The following OSBPL10 variants were observed in gnomAD, a reference collection of about 807,000 sequenced individuals.
The protein encoded by OSBPL10 is oxysterol binding protein like 10.
In OSBPL10, 49 loss-of-function variants were observed where a neutral mutation model predicts 81.7. The observed-to-expected ratio is 0.60, with a 90% CI of 0.48 to 0.76. The LOEUF (loss-of-function observed/expected upper bound fraction) is 0.76, where lower values mean the gene tolerates loss of function less well. OSBPL10 is among the 30% of genes least tolerant of loss of function. The probability of loss-of-function intolerance (pLI) is 0.00; values close to 1 mark genes in which losing one functional copy is unlikely to be tolerated. For synonymous variants in OSBPL10, 419 were observed against 383.6 expected (o/e 1.09, Z -1.08); for missense variants, 923 against 987.8 (o/e 0.93, Z 0.88).
intron 2 of OSBPL10, among the ~76,000 whole-genome samples, chr3:31,878,098 T>G (rs57895843): frequency 0.03 from 4,583 of 152,254 alleles, 221 homozygotes; most frequent in African/African-American, 0.1. Flanking sequence ...TTTAGCTAAA[T>G]TTAGCAATTG....
chr3:31,894,065 G>A (rs1695984804), intron 1 of OSBPL10, among the ~76,000 whole-genome samples: 2 of 152,168 alleles, frequency 1.3e-5, no homozygotes, highest in Non-Finnish European at 2.9e-5. Flanking sequence ...CAATAGCCTA[G>A]ACCAAGGTGG....
intron 1 of OSBPL10, among the ~76,000 whole-genome samples, chr3:32,047,505 A>G (rs1301730570): frequency 2.0e-5 from 3 of 152,042 alleles, no homozygotes; most frequent in Non-Finnish European, 2.9e-5. Flanking sequence ...TTGCCATGGC[A>G]TTTATAAACT....
chr3:31,958,755 G>A (rs540613089), intron 1 of OSBPL10, among the ~76,000 whole-genome samples: 47 of 152,238 alleles, frequency 3.1e-4, no homozygotes, highest in African/African-American at 1.1e-3. Flanking sequence ...TAGAGAACAG[G>A]CCTTTGAGCC....
intron 2 of OSBPL10, among the ~76,000 whole-genome samples, chr3:31,997,791 T>C (rs994602642): frequency 2.0e-5 from 3 of 152,052 alleles, no homozygotes; most frequent in Admixed American, 2.0e-4. Flanking sequence ...TTGTTTTGTT[T>C]TTGTTTCTGA....
At chr3:31,956,677 G>A (rs182706084) in intron 1 of OSBPL10, among the ~76,000 whole-genome samples, 172 of 152,130 alleles carry the variant, frequency 1.1e-3, no homozygotes, top group African/African-American at 3.8e-3. Flanking sequence ...GCACTGAGCC[G>A]AGATTGCGCC....
intron 6 of OSBPL10, among the ~76,000 whole-genome samples, chr3:31,732,108 G>A (rs549736440): frequency 7.9e-5 from 12 of 152,212 alleles, no homozygotes; most frequent in African/African-American, 1.7e-4. Context: ...CCACTCACAC[G>A]GTTGCCAACT....
intron 1 of OSBPL10, among the ~76,000 whole-genome samples, chr3:31,975,098 G>C (rs1231945683): frequency 1.3e-5 from 2 of 152,188 alleles, no homozygotes; most frequent in Non-Finnish European, 2.9e-5. Context: ...GGCAGATTCT[G>C]CAGGGAGTAG....
chr3:32,074,406 T>C (rs781304354), intron 1 of OSBPL10, among the ~76,000 whole-genome samples: 55 of 152,284 alleles, frequency 3.6e-4, no homozygotes, highest in Non-Finnish European at 3.8e-4. Context: ...CCTTCCACTG[T>C]CCAAATGTTC....
At chr3:31,960,509 C>G (rs1341956078) in intron 1 of OSBPL10, among the ~76,000 whole-genome samples, 2 of 152,142 alleles carry the variant, frequency 1.3e-5, no homozygotes, top group East Asian at 3.9e-4. Flanking sequence ...GGCCAAATTC[C>G]TTATTCAGAT....
chr3:31,908,845 G>A (rs576801721), intron 1 of OSBPL10, among the ~76,000 whole-genome samples: 3 of 152,246 alleles, frequency 2.0e-5, no homozygotes, highest in South Asian at 4.1e-4. Context: ...GGAGATGAGC[G>A]GCTCCCCCTG....
At position 31,664,031 on chromosome 3, in the gene OSBPL10, G is replaced by C; in HGVS notation, c.2250+48C>G. 2.5e-6 allele frequency: 4 copies of C among 1,614,008 alleles called. No individual in the cohort carries two copies. In the South Asian group the frequency reaches 3.3e-5, roughly 13 times the overall value. On this transcript the variant is annotated intron_variant, in intron 11 of 11. Coordinates refer to ENST00000396556, the MANE Select transcript of OSBPL10 (RefSeq NM_017784.5). ...AAGAAAAACCCATCTACCCTCTCAG[G>C]ACAAGTTCTCTCCTGGGCAAGGGAC...
At chr3:31,856,258 TA>T (rs1015894066) in intron 3 of OSBPL10, among the ~76,000 whole-genome samples, 1 of 152,008 alleles carries the variant, frequency 6.6e-6, no homozygotes, top group Non-Finnish European at 1.5e-5. Context: ...TTAAGACAAT[TA>T]AAAAAATCCC....
At chr3:31,717,621 C>A (rs1696485911) in intron 6 of OSBPL10, among the ~76,000 whole-genome samples, 1 of 152,162 alleles carries the variant, frequency 6.6e-6, no homozygotes, top group South Asian at 2.1e-4. Context: ...CCTTTTGGTC[C>A]AAACAGCAGG....
intron 4 of OSBPL10, among the ~76,000 whole-genome samples, chr3:31,814,956 C>T (rs575616144): frequency 2.0e-5 from 3 of 152,142 alleles, no homozygotes; most frequent in Non-Finnish European, 2.9e-5. Flanking sequence ...TTCTCTGTTC[C>T]GTAAGCCATA....
chr3:31,921,029 A>C (rs1439372830), intron 1 of OSBPL10, among the ~76,000 whole-genome samples: 1 of 152,160 alleles, frequency 6.6e-6, no homozygotes, highest in African/African-American at 2.4e-5. Context: ...ACACAAATGG[A>C]CTAATACTCC....
At chr3:31,813,172 G>T (rs1383121622) in intron 4 of OSBPL10, among the ~76,000 whole-genome samples, 1 of 152,192 alleles carries the variant, frequency 6.6e-6, no homozygotes, top group Non-Finnish European at 1.5e-5. Flanking sequence ...CTGGAGGAAA[G>T]AAAAACCTTC....
At chr3:31,855,425 T>C (rs763574195) in intron 3 of OSBPL10, among the ~76,000 whole-genome samples, 4 of 152,198 alleles carry the variant, frequency 2.6e-5, no homozygotes, top group Non-Finnish European at 5.9e-5. Context: ...GGATATATTT[T>C]TAAGTAGGAA....
chr3:31,746,977 T>A (rs1246070542), intron 5 of OSBPL10, among the ~76,000 whole-genome samples: 1 of 151,592 alleles, frequency 6.6e-6, no homozygotes, highest in East Asian at 1.9e-4. Flanking sequence ...AGCATAATAA[T>A]AATAAAAAAA....
intron 5 of OSBPL10, among the ~76,000 whole-genome samples, chr3:31,745,347 C>G (rs559610701): frequency 2.3e-4 from 35 of 152,212 alleles, no homozygotes; most frequent in African/African-American, 8.2e-4. Context: ...CTGCAACTTA[C>G]TCTTAAGTGG....
Sources: gnomAD v4.1 joint callset for allele counts (sites outside exome capture counted in the v4.1 genomes callset) on GRCh38, gnomAD v4.1.1 for gene constraint, MANE v1.5 for transcripts, NCBI Gene and HGNC (gene_info 2026-07-23, HGNC 2026-07-21) for gene names.